CCDC83: variants seen among roughly 807,000 people sequenced by gnomAD.
CCDC83 encodes the protein coiled-coil domain containing 83, also known as coiled-coil domain-containing protein 83.
Under a neutral mutation model 50.1 loss-of-function variants are expected in CCDC83, and 54 were observed. The observed-to-expected ratio is 1.08, with a 90% CI of 0.87 to 1.35. The LOEUF (loss-of-function observed/expected upper bound fraction) is 1.35, where lower values mean the gene tolerates loss of function less well. Ranked by LOEUF, CCDC83 falls within the 40% of genes most tolerant of loss-of-function variation. CCDC83 has a pLI of 0.00. For missense variants in CCDC83, 518 were observed against 473.9 expected, an observed-to-expected ratio of 1.09 and a Z score of -0.86; for synonymous variants, 161 against 153.3, an observed-to-expected ratio of 1.05 and a Z score of -0.37.
chr11:85,893,462 C>T (rs1245363173), intron 5 of CCDC83, among the ~76,000 whole-genome samples: 1 of 152,190 alleles, frequency 6.6e-6, no homozygotes, highest in African/African-American at 2.4e-5. Context: ...GAGGGTTCTG[C>T]TTTGGCTGAC....
chr11:85,871,502 A>G (rs1442806724), intron 2 of CCDC83, among the ~76,000 whole-genome samples: 1 of 152,114 alleles, frequency 6.6e-6, no homozygotes, highest in Non-Finnish European at 1.5e-5. Flanking sequence ...TTTTCTCTCT[A>G]ATGAGTATAC....
chr11:85,892,352 C>T, intron 5 of CCDC83, among the ~76,000 whole-genome samples: 1 of 152,174 alleles, frequency 6.6e-6, no homozygotes, highest in Non-Finnish European at 1.5e-5. Context: ...GCTGCATTCA[C>T]CAATAAATGG....
chr11:85,866,645 C>G (rs527991590), intron 2 of CCDC83, among the ~76,000 whole-genome samples: 1 of 149,654 alleles, frequency 6.7e-6, no homozygotes, highest in East Asian at 1.9e-4. Flanking sequence ...CAGAGAGGGA[C>G]CCTGTCTCAA....
At chr11:85,906,796 C>G (rs77375399) in intron 7 of CCDC83, among the ~76,000 whole-genome samples, 9,797 of 146,206 alleles carry the variant, frequency 0.067, 532 homozygotes, top group South Asian at 0.081. Context: ...GAGATAGGAG[C>G]ATCACTTGAG....
chr11:85,916,424 CTA>C (rs1227585086), intron 10 of CCDC83, 191 bp downstream of exon 10: 1 of 573,002 alleles, frequency 1.7e-6, no homozygotes, highest in Non-Finnish European at 3.1e-6. Flanking sequence ...AATTTGCTAC[CTA>C]TATTCCTCTA....
intron 7 of CCDC83, among the ~76,000 whole-genome samples, chr11:85,902,558 C>T (rs1168345215): frequency 6.6e-6 from 1 of 152,206 alleles, no homozygotes; most frequent in Non-Finnish European, 1.5e-5. Context: ...CAACAACCAG[C>T]TGTGCAACCG....
intron 7 of CCDC83, among the ~76,000 whole-genome samples, chr11:85,908,215 T>C (rs1455844686): frequency 6.6e-6 from 1 of 152,158 alleles, no homozygotes; most frequent in South Asian, 2.1e-4. Flanking sequence ...ATTATAATTA[T>C]TTGTGGTTTT....
chr11:85,917,159 A>AGAGG (rs2093482116), intron 10 of CCDC83, among the ~76,000 whole-genome samples: 4 of 101,792 alleles, frequency 3.9e-5, no homozygotes, highest in African/African-American at 1.5e-4. Context: ...AGAGAGAGAG[A>AGAGG]GAGAGAGAGA....
chr11:85,871,992 A>T lies in CCDC83; in HGVS notation c.96-1219A>T, dbSNP rs200036640. 2.0e-5 allele frequency among the ~76,000 whole-genome samples: 3 copies of T among 152,268 alleles called. No homozygotes were observed. In the East Asian group the frequency reaches 5.8e-4, roughly 30 times the overall value. ...CTTTAAGACTGCATCTCACTCTGTC[A>T]CCCAGGCTGGAGTGCAGTGGCATGA... On this transcript the variant is annotated intron_variant, in intron 2 of 10. Coordinates refer to ENST00000342404, the MANE Select transcript of CCDC83 (RefSeq NM_001286159.2).
At chr11:85,884,401 T>C (rs1446885009) in intron 4 of CCDC83, among the ~76,000 whole-genome samples, 3 of 152,156 alleles carry the variant, frequency 2.0e-5, no homozygotes, top group Non-Finnish European at 4.4e-5. Flanking sequence ...CACCCAGACC[T>C]ACTGAATCAG....
chr11:85,891,835 G>T (rs1026874715), intron 5 of CCDC83, among the ~76,000 whole-genome samples: 1 of 152,148 alleles, frequency 6.6e-6, no homozygotes, highest in African/African-American at 2.4e-5. Flanking sequence ...GAAGTTAATT[G>T]CCCTAACCAA....
At chr11:85,919,199 T>C (rs1289223664) in intron 10 of CCDC83, 150 bp from the exon 11 acceptor site, 3 of 658,610 alleles carry the variant, frequency 4.6e-6, no homozygotes, top group African/African-American at 1.9e-5. Context: ...ATAGTGGCTC[T>C]CATATTTCAT....
chr11:85,877,840 CT>C (rs2093277394), intron 3 of CCDC83, among the ~76,000 whole-genome samples: 1 of 152,044 alleles, frequency 6.6e-6, no homozygotes, highest in Non-Finnish European at 1.5e-5. Flanking sequence ...TTTTCCACTT[CT>C]ACAAAAATAA....
chr11:85,874,136 C>G (rs1385888637), intron 3 of CCDC83, among the ~76,000 whole-genome samples: 4 of 152,156 alleles, frequency 2.6e-5, no homozygotes, highest in Non-Finnish European at 4.4e-5. Context: ...CCCCATAGGG[C>G]TAATTTATTT....
At chr11:85,880,554 G>A (rs2093294226) in intron 3 of CCDC83, among the ~76,000 whole-genome samples, 3 of 151,776 alleles carry the variant, frequency 2.0e-5, no homozygotes, top group Admixed American at 6.6e-5. Flanking sequence ...GGGATTACAG[G>A]CAAGAGCCAC....
At chr11:85,871,081 C>G (rs917285185) in intron 2 of CCDC83, among the ~76,000 whole-genome samples, 1 of 152,066 alleles carries the variant, frequency 6.6e-6, no homozygotes, top group Non-Finnish European at 1.5e-5. Context: ...GTGGGACAAG[C>G]GCTTGAACCT....
At chr11:85,886,855 G>A (rs1253054577) in intron 5 of CCDC83, among the ~76,000 whole-genome samples, 1 of 152,168 alleles carries the variant, frequency 6.6e-6, no homozygotes, top group Admixed American at 6.5e-5. Flanking sequence ...AAGGCTGCAG[G>A]GAGCTGTGAT....
intron 1 of CCDC83, among the ~76,000 whole-genome samples, chr11:85,862,529 T>C (rs770746570): frequency 2.0e-5 from 3 of 152,260 alleles, no homozygotes; most frequent in Non-Finnish European, 4.4e-5. Context: ...GCCTCATCTA[T>C]ACTTTATAAT....
At chr11:85,902,077 T>A (rs1048984982) in intron 7 of CCDC83, among the ~76,000 whole-genome samples, 5 of 146,086 alleles carry the variant, frequency 3.4e-5, no homozygotes, top group Non-Finnish European at 5.9e-5. Flanking sequence ...GAATCATCAA[T>A]GAAATAATAG....
Sources: gnomAD v4.1 joint callset for allele counts (sites outside exome capture counted in the v4.1 genomes callset) on GRCh38, gnomAD v4.1.1 for gene constraint, MANE v1.5 for transcripts, NCBI Gene and HGNC (gene_info 2026-07-23, HGNC 2026-07-21) for gene names.